MYLK: variants seen among roughly 807,000 people sequenced by gnomAD.
MYLK encodes the protein myosin light chain kinase.
Under a neutral mutation model 203.4 loss-of-function variants are expected in MYLK, and 106 were observed. The ratio of observed to expected loss-of-function variants is 0.52; its 90% confidence interval spans 0.45 to 0.61. The LOEUF is 0.61. Ranked by LOEUF, MYLK falls within the 20% of genes least tolerant of loss-of-function variation. The pLI is 0.00. For missense variants in MYLK, 2,072 were observed against 2,442.3 expected (o/e 0.85, Z 3.20); for synonymous variants, 867 against 959.5 (o/e 0.90, Z 1.78).
chr3:123,657,769 G>T (rs2059436275), intron 23 of MYLK, among the ~76,000 whole-genome samples: 1 of 152,212 alleles, frequency 6.6e-6, no homozygotes, highest in African/African-American at 2.4e-5. Flanking sequence ...AGAAGGCGTG[G>T]ACTATTTCCT....
In MYLK at chr3:123,640,371, C is replaced by A; in HGVS notation, c.4753G>T (p.Asp1585Tyr). ...YIHKQGIVHLDLKPENIMCVN... is the reference protein window; with the variant it reads ...YIHKQGIVHLYLKPENIMCVN... ...CACATGATGTTCTCCGGCTTGAGGT[C>A]CAGGTGCACGATGCCCTGCTTGTGG... Residue 1585 changes from aspartate to tyrosine, a missense_variant, in exon 28 of 34, where the codon GAC becomes TAC. By Grantham distance (160) the Asp-to-Tyr change is radical (BLOSUM62 -3). Around this residue, in one of 3 missense-constraint regions of MYLK, gnomAD observed 524 missense variants for 782.4 expected, o/e 0.67. Transcript: ENST00000360304. This position sits in a 1 kb window ranked among gnomAD's most constrained non-coding sequence, Gnocchi z 4.3. 6.2e-7 allele frequency: 1 copy of A among 1,613,990 alleles called. No individual in the cohort carries two copies. Among genetic ancestry groups the A allele is most frequent in the Non-Finnish European group, 8.5e-7 (1 of 1,180,010 alleles).
intron 2 of MYLK, among the ~76,000 whole-genome samples, chr3:123,872,334 T>C (rs552485714): frequency 6.6e-6 from 1 of 152,292 alleles, no homozygotes; most frequent in Admixed American, 6.5e-5. Context: ...GTGGAGTTTT[T>C]TTCCTCATAC....
At chr3:123,637,993 C>A in intron 29 of MYLK, 78 bp downstream of exon 29, 1 of 1,601,284 alleles carries the variant, frequency 6.2e-7, no homozygotes, top group East Asian at 2.2e-5. Context: ...AGCCTGGGGA[C>A]CCTCCTGTGG....
rs537816766 is a variant in MYLK at position 123,803,760 on chromosome 3, C to T, written c.-3-9916G>A. Among the ~76,000 whole-genome samples, 25 of 152,330 alleles carry T rather than the reference C, an allele frequency of 1.6e-4. No homozygotes were observed. In the South Asian group the frequency reaches 5.0e-3, roughly 30 times the overall value. On this transcript the variant is annotated intron_variant, in intron 3 of 33. Transcript: ENST00000360304. ...CAAGCAGGCAAATCAGGCAGGCACA[C>T]CTGGTCCTCGAGACACACCTGTGAG...
At chr3:123,752,588 C>CTCTGTG in intron 4 of MYLK, 50 bp from the exon 5 acceptor site, 1 of 1,538,066 alleles carries the variant, frequency 6.5e-7, no homozygotes. Context: ...TGAGTACTCT[C>CTCTGTG]TCTGTGTCAG....
At position 123,618,700 on chromosome 3, in the gene MYLK, C is replaced by T. The variant is rs774379912; in HGVS notation, c.5439G>A (p.Lys1813=). 1.2e-6 allele frequency: 2 copies of T among 1,614,150 alleles called. No homozygotes were observed. Among genetic ancestry groups the T allele is most frequent in the Non-Finnish European group, 1.7e-6 (2 of 1,180,028 alleles). The stretch of plus-strand genomic sequence containing the variant: ...CCACAACTTCTAAATCGCGAATGGT[C>T]TTAGAGAAATAGGGTTTTACATGAG... ...EKPHVKPYFS[K]TIRDLEVVEG... is the part of the protein sequence containing the mutation. The change falls in exon 33 of 34, where the codon AAG becomes AAA. Residue 1813 remains lysine, a synonymous_variant. Coordinates refer to ENST00000360304, the MANE Select transcript of MYLK (RefSeq NM_053025.4).
chr3:123,664,694 A>T (rs1280956758), intron 22 of MYLK, among the ~76,000 whole-genome samples: 2 of 152,226 alleles, frequency 1.3e-5, no homozygotes, highest in African/African-American at 4.8e-5. Context: ...TTAATTAGTT[A>T]AGTGGAAACA....
chr3:123,682,195 C>G, intron 20 of MYLK, 29 bp downstream of exon 20: 1 of 1,572,052 alleles, frequency 6.4e-7, no homozygotes, highest in Non-Finnish European at 8.7e-7. Context: ...GCCTCTGCCT[C>G]TGCCTGGTGA....
chr3:123,745,798 C>T (rs142063652), intron 5 of MYLK, among the ~76,000 whole-genome samples: 1 of 152,288 alleles, frequency 6.6e-6, no homozygotes, highest in East Asian at 1.9e-4. Context: ...ATGGAGCTTA[C>T]AGTTCTAGTG....
chr3:123,708,053 A>G (rs1186605758), intron 15 of MYLK, 50 bp from the exon 16 acceptor site: 1 of 1,610,812 alleles, frequency 6.2e-7, no homozygotes, highest in Non-Finnish European at 8.5e-7. Context: ...CTCAGCAGGC[A>G]GTGTCCACTC....
intron 29 of MYLK, among the ~76,000 whole-genome samples, chr3:123,631,655 T>C (rs2058430104): frequency 6.6e-6 from 1 of 152,184 alleles, no homozygotes; most frequent in African/African-American, 2.4e-5. Flanking sequence ...ACAATGTGAA[T>C]TGTCTCATCC....
chr3:123,811,956 A>G (rs1195950332), intron 3 of MYLK, among the ~76,000 whole-genome samples: 1 of 152,254 alleles, frequency 6.6e-6, no homozygotes, highest in Non-Finnish European at 1.5e-5. Context: ...TAACAGTTAT[A>G]TAACATTGAA....
In MYLK at chr3:123,614,124, C is replaced by T. The variant is rs765548705; in HGVS notation, c.5726G>A (p.Gly1909Glu). 2 of 1,613,786 alleles carry T rather than the reference C, an allele frequency of 1.2e-6. No homozygotes were observed. The highest frequency in any genetic ancestry group is 1.3e-5 in the African/African-American group (1 of 74,822). The change falls in exon 34 of 34, where the codon GGG becomes GAG. Residue 1909 changes from glycine to glutamate, a missense_variant. Physicochemically the swap from Gly to Glu is moderately conservative, Grantham distance 98. Transcript: ENST00000360304. ...VETMEEGEGE[G>E]EEEEE Reference sequence around the variant, plus strand: ...TTTGTTTCACTCTTCTTCCTCTTCCCCTTCCCCTTCACCTTCCTCCATCGT... The same window carrying T: ...TTTGTTTCACTCTTCTTCCTCTTCCTCTTCCCCTTCACCTTCCTCCATCGT...
At chr3:123,711,353 T>C (rs752244796) in intron 13 of MYLK, among the ~76,000 whole-genome samples, 1 of 152,218 alleles carries the variant, frequency 6.6e-6, no homozygotes, top group African/African-American at 2.4e-5. Flanking sequence ...CATAGTTTAT[T>C]GTACATCAAT....
At chr3:123,765,540 AAAAG>A (rs2063676811) in intron 4 of MYLK, among the ~76,000 whole-genome samples, 1 of 151,960 alleles carries the variant, frequency 6.6e-6, no homozygotes, top group South Asian at 2.1e-4. Flanking sequence ...CAAAAAAAAA[AAAAG>A]AAAGGAAAAA....
chr3:123,658,443 TCTC>T (rs1444715736), intron 23 of MYLK, among the ~76,000 whole-genome samples: 1 of 152,228 alleles, frequency 6.6e-6, no homozygotes, highest in East Asian at 1.9e-4. Context: ...TGAGCAAAAC[TCTC>T]CTATTTTTCA....
intron 2 of MYLK, among the ~76,000 whole-genome samples, chr3:123,862,583 A>C (rs1016958059): frequency 2.0e-5 from 3 of 152,146 alleles, no homozygotes; most frequent in Admixed American, 2.0e-4. Context: ...CCCTACCTCT[A>C]CTTAATCTAT....
chr3:123,667,740 A>G (rs1015846594), intron 20 of MYLK, among the ~76,000 whole-genome samples: 3 of 152,212 alleles, frequency 2.0e-5, no homozygotes, highest in Non-Finnish European at 4.4e-5. Context: ...GAAGCCTCCA[A>G]TGAGATTAAA....
intron 2 of MYLK, among the ~76,000 whole-genome samples, chr3:123,861,129 C>CG (rs1553866166): frequency 1.5e-5 from 2 of 130,412 alleles, no homozygotes; most frequent in Non-Finnish European, 3.1e-5. Context: ...GACCCTGTCT[C>CG]AAAAAAAAAA....
Sources: allele counts gnomAD v4.1 joint callset (sites outside exome capture counted in the v4.1 genomes callset), GRCh38; gene constraint gnomAD v4.1.1; regional missense constraint gnomAD v4.1.1; non-coding constraint Gnocchi (gnomAD v3.1); transcripts MANE v1.5; gene names NCBI Gene and HGNC (gene_info 2026-07-23, HGNC 2026-07-21).